Variants in SPMAP2L observed in about 807,000 individuals in gnomAD.
SPMAP2L encodes the protein sperm microtubule associated protein 2 like, also known as sperm microtubule associated protein 2-like.
chr4:56,578,907 A>C, the SPMAP2L span, among the ~76,000 whole-genome samples: 1 of 152,006 alleles, frequency 6.6e-6, no homozygotes, highest in Admixed American at 6.6e-5. Context: ...GCAAGACCTC[A>C]TCTCTACAAG....
chr4:56,609,050 C>CT, the SPMAP2L span, among the ~76,000 whole-genome samples: 2,102 of 115,578 alleles, frequency 0.018, 67 homozygotes, highest in African/African-American at 0.051. Context: ...TTCTTTCTTT[C>CT]TTTTTTTTTT....
chr4:56,572,965 G>A, the SPMAP2L span, among the ~76,000 whole-genome samples: 68 of 150,928 alleles, frequency 4.5e-4, no homozygotes, highest in East Asian at 0.01. Context: ...GCAGTGAGCT[G>A]AGATCGCACC....
At chr4:56,623,930 G>A in the SPMAP2L span, among the ~76,000 whole-genome samples, 1 of 152,172 alleles carries the variant, frequency 6.6e-6, no homozygotes, top group Non-Finnish European at 1.5e-5. Context: ...ACCCAAAAAT[G>A]TGGAAGAAAC....
chr4:56,610,449 A>G, the SPMAP2L span, among the ~76,000 whole-genome samples: 1 of 152,246 alleles, frequency 6.6e-6, no homozygotes, highest in South Asian at 2.1e-4. Context: ...AATCAACTCA[A>G]GATGGATCAA....
chr4:56,602,297 AT>A, the SPMAP2L span, among the ~76,000 whole-genome samples: 2 of 152,176 alleles, frequency 1.3e-5, no homozygotes, highest in African/African-American at 4.8e-5. Flanking sequence ...AAAAGGAAAT[AT>A]GCTAGTCTTA....
the SPMAP2L span, among the ~76,000 whole-genome samples, chr4:56,561,299 G>A: frequency 6.6e-6 from 1 of 152,040 alleles, no homozygotes; most frequent in Admixed American, 6.6e-5. Context: ...CATTATGTTT[G>A]GTGGCATGTT....
the SPMAP2L span, among the ~76,000 whole-genome samples, chr4:56,542,767 G>A: frequency 4.6e-5 from 7 of 152,138 alleles, no homozygotes; most frequent in African/African-American, 1.7e-4. Flanking sequence ...CCACTTGTGG[G>A]GAATGTAAGA....
At chr4:56,622,894 A>G in the SPMAP2L span, among the ~76,000 whole-genome samples, 1 of 152,278 alleles carries the variant, frequency 6.6e-6, no homozygotes, top group East Asian at 1.9e-4. Flanking sequence ...GGCTGGTGGA[A>G]AAACAGTCTC....
At chr4:56,559,731 CTAATT>C in the SPMAP2L span, among the ~76,000 whole-genome samples, 9 of 152,086 alleles carry the variant, frequency 5.9e-5, no homozygotes, top group Non-Finnish European at 1.2e-4. Flanking sequence ...CCACACCCAG[CTAATT>C]TTTTGTATTT....
the SPMAP2L span, among the ~76,000 whole-genome samples, chr4:56,613,783 G>A: frequency 2.6e-4 from 40 of 152,334 alleles, 1 homozygote; most frequent in South Asian, 6.2e-3. Flanking sequence ...GATGTTCAGG[G>A]AAGGTAGTGT....
At chr4:56,609,444 A>C in the SPMAP2L span, among the ~76,000 whole-genome samples, 1 of 152,182 alleles carries the variant, frequency 6.6e-6, no homozygotes, top group Admixed American at 6.5e-5. Context: ...GATTTAGATG[A>C]TATTTACGTG....
chr4:56,607,994 A>G, the SPMAP2L span, among the ~76,000 whole-genome samples: 1 of 136,426 alleles, frequency 7.3e-6, no homozygotes, highest in Admixed American at 7.0e-5. Context: ...CCCTGTCTCA[A>G]GAAAAAAAAA....
At chr4:56,612,345 CTTTTTTTCTTTCT>C in the SPMAP2L span, among the ~76,000 whole-genome samples, 85 of 152,132 alleles carry the variant, frequency 5.6e-4, 1 homozygote, top group Admixed American at 1.9e-3. Context: ...CCAAACATTT[CTTTTTTTCTTTCT>C]TTTTTTTCTT....
At chr4:56,571,743 G>A in the SPMAP2L span, among the ~76,000 whole-genome samples, 10 of 152,174 alleles carry the variant, frequency 6.6e-5, no homozygotes, top group African/African-American at 2.2e-4. Flanking sequence ...AGCTACTCAG[G>A]AGGCTGAGAG....
chr4:56,587,099 T>C, the SPMAP2L span, among the ~76,000 whole-genome samples: 4 of 152,182 alleles, frequency 2.6e-5, no homozygotes, highest in Non-Finnish European at 5.9e-5. Flanking sequence ...TTATTTATAA[T>C]TCCAGGAGTT....
chr4:56,557,257 CA>C, the SPMAP2L span, among the ~76,000 whole-genome samples: 102,591 of 126,880 alleles, frequency 0.81, 40,595 homozygotes, highest in Middle Eastern at 0.85. Flanking sequence ...GACTCTGTCT[CA>C]AAAAAAAAAA....
At chr4:56,604,501 T>C in the SPMAP2L span, among the ~76,000 whole-genome samples, 22 of 151,626 alleles carry the variant, frequency 1.5e-4, no homozygotes, top group South Asian at 4.4e-3. Flanking sequence ...CTACTAAAAA[T>C]ACAAAAATTA....
the SPMAP2L span, chr4:56,603,348 C>T: frequency 1.3e-5 from 20 of 1,494,380 alleles, no homozygotes; most frequent in Middle Eastern, 2.7e-3. Context: ...AACAGTCAGA[C>T]CCTGGTTATG....
At chr4:56,564,212 C>T in the SPMAP2L span, among the ~76,000 whole-genome samples, 1 of 150,778 alleles carries the variant, frequency 6.6e-6, no homozygotes, top group Non-Finnish European at 1.5e-5. Flanking sequence ...CTGCTCACTG[C>T]AATCTCCACC....
Sources: allele counts gnomAD v4.1 joint callset (sites outside exome capture counted in the v4.1 genomes callset), GRCh38; gene constraint gnomAD v4.1.1; transcripts MANE v1.5; gene names NCBI Gene and HGNC (gene_info 2026-07-23, HGNC 2026-07-21).